Variants in ARHGEF18 observed in about 807,000 individuals in gnomAD.
The protein encoded by ARHGEF18 is rho guanine nucleotide exchange factor 18.
ARHGEF18 carries 93 observed loss-of-function variants against 155.7 expected under a neutral mutation model. The ratio of observed to expected loss-of-function variants is 0.60; its 90% confidence interval spans 0.50 to 0.71. The LOEUF is 0.71. Ranked by LOEUF, ARHGEF18 falls within the 30% of genes least tolerant of loss-of-function variation. The pLI is 0.00. For synonymous variants in ARHGEF18, 742 were observed against 753.1 expected (o/e 0.99, Z 0.24); for missense variants, 1,593 against 1,816.1 (o/e 0.88, Z 2.23).
chr19:7,419,617 C>G (rs1973232969), intron 10 of ARHGEF18, among the ~76,000 whole-genome samples: 1 of 152,090 alleles, frequency 6.6e-6, no homozygotes, highest in Admixed American at 6.5e-5. Flanking sequence ...AAACCCTTTT[C>G]TCTTGAAGGG....
At chr19:7,397,502 G>C (rs554079530) in intron 10 of ARHGEF18, among the ~76,000 whole-genome samples, 27 of 152,030 alleles carry the variant, frequency 1.8e-4, no homozygotes, top group South Asian at 8.3e-4. Flanking sequence ...GAGGCCCGGG[G>C]GGGGGCAGAT....
chr19:7,361,692 C>G (rs1969555551), intron 1 of ARHGEF18, among the ~76,000 whole-genome samples: 1 of 152,006 alleles, frequency 6.6e-6, no homozygotes, highest in African/African-American at 2.4e-5. Flanking sequence ...TTATTCAGCC[C>G]TAAAACAAAT....
chr19:7,469,626 G>C (rs1290790366), intron 27 of ARHGEF18, among the ~76,000 whole-genome samples: 3 of 152,170 alleles, frequency 2.0e-5, no homozygotes, highest in Non-Finnish European at 2.9e-5. Context: ...GAAGATTAAG[G>C]GTGTGTCCCG....
chr19:7,415,771 C>T (rs1393921186), intron 10 of ARHGEF18, among the ~76,000 whole-genome samples: 1 of 151,958 alleles, frequency 6.6e-6, no homozygotes, highest in Admixed American at 6.6e-5. Context: ...TCTAAATAAA[C>T]AAAACTACAG....
chr19:7,438,492 A>G (rs1325141890), intron 10 of ARHGEF18, among the ~76,000 whole-genome samples: 2 of 145,382 alleles, frequency 1.4e-5, no homozygotes, highest in East Asian at 4.1e-4. Flanking sequence ...GCTCACCACA[A>G]CCTCCACCTC....
intron 11 of ARHGEF18, 39 bp from the exon 12 acceptor site, chr19:7,441,614 C>A: frequency 6.4e-7 from 1 of 1,551,268 alleles, no homozygotes; most frequent in African/African-American, 1.4e-5. Context: ...GTGTTTAATT[C>A]ACTTTTCTAA....
At chr19:7,403,919 AC>A (rs1394582147) in intron 10 of ARHGEF18, among the ~76,000 whole-genome samples, 1 of 152,056 alleles carries the variant, frequency 6.6e-6, no homozygotes, top group Admixed American at 6.6e-5. Flanking sequence ...ACAAAAATTA[AC>A]CAGGCGTGGT....
chr19:7,371,192 G>A (rs943257504), intron 2 of ARHGEF18, among the ~76,000 whole-genome samples: 2 of 152,104 alleles, frequency 1.3e-5, no homozygotes, highest in Non-Finnish European at 2.9e-5. Flanking sequence ...GAGCCACCAC[G>A]CCAGGCCTGG....
At chr19:7,421,503 G>A (rs1404543743) in intron 10 of ARHGEF18, among the ~76,000 whole-genome samples, 2 of 152,128 alleles carry the variant, frequency 1.3e-5, no homozygotes, top group Admixed American at 1.3e-4. Context: ...GCTCACACCT[G>A]TAATCCCAGC....
At chr19:7,402,515 G>A (rs1972069160) in intron 10 of ARHGEF18, among the ~76,000 whole-genome samples, 1 of 152,148 alleles carries the variant, frequency 6.6e-6, no homozygotes, top group Non-Finnish European at 1.5e-5. Flanking sequence ...GCTGTCAAAG[G>A]GTGAGTTGTG....
chr19:7,376,373 C>T (rs1215399849), intron 4 of ARHGEF18, among the ~76,000 whole-genome samples: 1 of 152,064 alleles, frequency 6.6e-6, no homozygotes, highest in East Asian at 1.9e-4. Flanking sequence ...AAATTCCTGG[C>T]CATTGTTGGA....
chr19:7,363,592 GA>G (rs1168235276), intron 2 of ARHGEF18, among the ~76,000 whole-genome samples: 1 of 151,924 alleles, frequency 6.6e-6, no homozygotes, highest in Non-Finnish European at 1.5e-5. Flanking sequence ...ATGAAAGATG[GA>G]AGGAAGGAAG....
chr19:7,350,766 GGGTGTGTGTGTGTGTGT>G (rs1969136386), intron 1 of ARHGEF18, among the ~76,000 whole-genome samples: 172 of 6,442 alleles, frequency 0.027, 1 homozygote, highest in African/African-American at 0.08. Flanking sequence ...TTTTTGGGGT[GGGTGTGTGTGTGTGTGT>G]GTGTGTGTGT....
the ARHGEF18 span, among the ~76,000 whole-genome samples, chr19:7,479,057 C>T: frequency 6.6e-6 from 1 of 152,214 alleles, no homozygotes; most frequent in Non-Finnish European, 1.5e-5. Flanking sequence ...ATGGGCAGGG[C>T]CTGGTCACAA....
At chr19:7,466,364 C>T (rs1405792081) in intron 23 of ARHGEF18, among the ~76,000 whole-genome samples, 5 of 117,822 alleles carry the variant, frequency 4.2e-5, no homozygotes, top group African/African-American at 1.4e-4. Context: ...GCCTGGGCAA[C>T]GAGCAAAACT....
At chr19:7,439,713 G>A in intron 10 of ARHGEF18, 1 of 1,296,728 alleles carries the variant, frequency 7.7e-7, no homozygotes, top group Non-Finnish European at 9.8e-7. Context: ...CCATCTCTGG[G>A]TCTTAGAGTC....
Position 7,375,850 on chromosome 19 carries a change from C to T in ARHGEF18, c.406C>T (p.Pro136Ser). 1.6e-6 allele frequency: 2 copies of T among 1,234,458 alleles called. No homozygotes were observed. Among genetic ancestry groups the T allele is most frequent in the African/African-American group, 3.1e-5 (2 of 64,614 alleles). 76.5% of individuals were successfully genotyped at this position (1,234,458 alleles called of 1,614,324 possible). Residue 136 changes from proline (P) to serine (S), a missense_variant, in exon 4 of 29, where the codon CCC becomes TCC. Physicochemically the swap from Pro to Ser is moderately conservative, Grantham distance 74. Coordinates refer to ENST00000668164, the MANE Select transcript of ARHGEF18 (RefSeq NM_001367823.1). ...TQGCLSGGGT[P>S]AESPGKECDS... ...AGGGTGTCTCTCTGGGGGCGGGACC[C>T]CCGCAGAGAGCCCAGGCAAGGTGGG...
rs1294432396 is a variant in ARHGEF18 at position 7,451,254 on chromosome 19, C to G, written c.1843C>G (p.Gln615Glu). Residue 615 changes from glutamine (Q) to glutamate (E), a missense_variant, in exon 16 of 29, where the codon CAG becomes GAG. Transcript: ENST00000668164. ...CCCAGTGCTGGTGGAGCGCATCATC[C>G]AGAACACGGAAGGTAGGCCTTCTCC... is the stretch of plus-strand genomic sequence containing the variant. Reference protein sequence around the residue: ...KYPVLVERIIQNTEAGTEDYE... With the variant: ...KYPVLVERIIENTEAGTEDYE... 6.2e-7 allele frequency: 1 copy of G among 1,612,908 alleles called. No individual in the cohort carries two copies. The highest frequency in any genetic ancestry group is 1.3e-5 in the African/African-American group (1 of 74,576).
chr19:7,354,726 C>T lies in ARHGEF18; in HGVS notation c.-111+5485C>T, dbSNP rs1273387511. ...GACCAGCCTGGGCAACATAGTGAGA[C>T]CCCAGCTCTACAAAAAATACAAAAC... On this transcript the variant is annotated intron_variant, in intron 1 of 28. Coordinates refer to ENST00000668164, the MANE Select transcript of ARHGEF18 (RefSeq NM_001367823.1). Among the ~76,000 whole-genome samples, 6 of 144,376 alleles carry T rather than the reference C, an allele frequency of 4.2e-5. No homozygotes were observed. The East Asian group carries it at 9.6e-4, about 23-fold the overall frequency. The allele number at this position is 144,376 out of a possible 152,430, so 94.7% of individuals were successfully genotyped here.
Sources: allele counts gnomAD v4.1 joint callset (sites outside exome capture counted in the v4.1 genomes callset), GRCh38; gene constraint gnomAD v4.1.1; transcripts MANE v1.5; gene names NCBI Gene and HGNC (gene_info 2026-07-23, HGNC 2026-07-21).